The following MPRIP variants were observed in gnomAD, a reference collection of about 807,000 sequenced individuals.
The protein encoded by MPRIP is myosin phosphatase Rho-interacting protein.
MPRIP carries 59 observed loss-of-function variants against 234.9 expected under a neutral mutation model. That is an observed-to-expected ratio of 0.25 (90% CI 0.20 to 0.31). MPRIP has a LOEUF of 0.31. MPRIP is among the 10% of genes least tolerant of loss of function. MPRIP has a pLI of 1.00. For missense variants in MPRIP, 2,436 were observed against 3,071.0 expected, an observed-to-expected ratio of 0.79 and a Z score of 4.89; for synonymous variants, 1,144 against 1,263.9, an observed-to-expected ratio of 0.91 and a Z score of 2.01.
At chr17:17,050,169 A>T (rs2088489353) in intron 1 of MPRIP, among the ~76,000 whole-genome samples, 1 of 152,050 alleles carries the variant, frequency 6.6e-6, no homozygotes, top group Non-Finnish European at 1.5e-5. Context: ...CAAAAAATTA[A>T]TCGGGCGTGG....
chr17:17,145,599 CTG>C (rs1435202619), intron 9 of MPRIP, among the ~76,000 whole-genome samples: 1 of 152,266 alleles, frequency 6.6e-6, no homozygotes, highest in Non-Finnish European at 1.5e-5. Flanking sequence ...CCGCACGTCT[CTG>C]TTTCCCAGGC....
chr17:17,070,137 A>G lies in MPRIP; in HGVS notation c.124-5573A>G, dbSNP rs28709884. Among the ~76,000 whole-genome samples, 1,364 of 152,254 alleles carry G rather than the reference A, an allele frequency of 9.0e-3. 25 individuals carry two copies. Among genetic ancestry groups the G allele is most frequent in the African/African-American group, 0.03 (1,233 of 41,542 alleles). On this transcript the variant is annotated intron_variant, in intron 1 of 23. Coordinates refer to ENST00000651222, the MANE Select transcript of MPRIP (RefSeq NM_001364716.4). ...TATTGTCATTCTGCTTAGTTTTCTC[A>G]AAACTATAAGGTCTTATTTTTCTCT... is the stretch of plus-strand genomic sequence containing the variant.
At chr17:17,170,161 C>T (rs1381761880) in intron 16 of MPRIP, 2 of 149,820 alleles carry the variant, frequency 1.3e-5, no homozygotes, top group Non-Finnish European at 3.0e-5. Context: ...AAGGATGACA[C>T]ACAAATTCAT....
intron 3 of MPRIP, among the ~76,000 whole-genome samples, chr17:17,107,072 T>C (rs1324703878): frequency 2.0e-5 from 3 of 152,246 alleles, no homozygotes; most frequent in South Asian, 2.1e-4. Flanking sequence ...AGGAAAGTTT[T>C]ATCTACAACA....
chr17:17,118,246 C>T (rs1460124380), intron 3 of MPRIP, among the ~76,000 whole-genome samples: 1 of 152,258 alleles, frequency 6.6e-6, no homozygotes, highest in Non-Finnish European at 1.5e-5. Context: ...CCTGATCTAA[C>T]AAATCACAAG....
At chr17:17,176,285 G>C (rs1319523509) in intron 20 of MPRIP, 141 bp from the exon 21 acceptor site, 4 of 677,632 alleles carry the variant, frequency 5.9e-6, no homozygotes, top group African/African-American at 5.4e-5. Context: ...GTGTTTAAAC[G>C]ATGCTTGCCC....
intron 1 of MPRIP, among the ~76,000 whole-genome samples, chr17:17,067,164 C>G (rs2089056878): frequency 6.6e-6 from 1 of 152,164 alleles, no homozygotes; most frequent in Admixed American, 6.5e-5. Context: ...TTTTCTTTCT[C>G]AATTTCAGCG....
At chr17:17,148,350 A>T (rs1216212383) in intron 11 of MPRIP, among the ~76,000 whole-genome samples, 1 of 152,212 alleles carries the variant, frequency 6.6e-6, no homozygotes, top group East Asian at 1.9e-4. Flanking sequence ...ATAATTTGTA[A>T]TATTAAGATG....
intron 15 of MPRIP, among the ~76,000 whole-genome samples, chr17:17,163,255 C>T (rs1311951574): frequency 6.6e-6 from 1 of 152,132 alleles, no homozygotes; most frequent in South Asian, 2.1e-4. Flanking sequence ...GTGGCTTCCC[C>T]GGCCAGCAGA....
At chr17:17,120,106 A>T (rs1015487812) in intron 3 of MPRIP, among the ~76,000 whole-genome samples, 4 of 152,010 alleles carry the variant, frequency 2.6e-5, no homozygotes, top group Non-Finnish European at 5.9e-5. Context: ...GGATTGGGGG[A>T]TAAAGGGAAG....
chr17:17,072,231 G>C (rs1034143356), intron 1 of MPRIP, among the ~76,000 whole-genome samples: 2 of 152,162 alleles, frequency 1.3e-5, no homozygotes, highest in Non-Finnish European at 2.9e-5. Context: ...GCTCTTCCTG[G>C]GAGGCCTTTC....
intron 19 of MPRIP, among the ~76,000 whole-genome samples, chr17:17,174,368 G>A (rs1305429100): frequency 2.6e-5 from 4 of 152,184 alleles, no homozygotes; most frequent in East Asian, 3.8e-4. Context: ...TGAGACTCTC[G>A]GGTGTCTTGG....
Position 17,167,611 on chromosome 17 carries a change from G to A in MPRIP, c.6020G>A (p.Arg2007Gln), listed in dbSNP as rs76396872. The change falls in exon 16 of 24, where the codon CGG becomes CAG. Residue 2007 changes from arginine to glutamine, a missense_variant. Physicochemically the swap from Arg to Gln is conservative, Grantham distance 43. Around this residue, in one of 4 missense-constraint regions of MPRIP, gnomAD observed 1,998 missense variants for 2,520.3 expected, o/e 0.79. Transcript: ENST00000651222. The surrounding 1 kb of genome is among the most constrained non-coding windows in gnomAD (Gnocchi z 5.9). Reference protein sequence around the residue: ...TLEDRFQLKVRELQTIHEEEL... With the variant: ...TLEDRFQLKVQELQTIHEEEL... ...GAGGACAGGTTCCAGCTCAAGGTCC[G>A]GGAGCTGCAGACGATCCACGAGGAG... 2.8e-4 allele frequency: 362 copies of A among 1,304,244 alleles called. No homozygotes were observed. The African/African-American group carries it at 4.6e-3, about 17-fold the overall frequency. 80.8% of individuals were successfully genotyped at this position (1,304,244 alleles called of 1,614,324 possible).
intron 4 of MPRIP, among the ~76,000 whole-genome samples, chr17:17,128,487 C>G (rs1204066070): frequency 2.0e-5 from 3 of 152,200 alleles, no homozygotes; most frequent in Non-Finnish European, 4.4e-5. Flanking sequence ...CTTCTCTGCT[C>G]TCTTCTGTTG....
chr17:17,060,738 G>A (rs952804460), intron 1 of MPRIP, among the ~76,000 whole-genome samples: 1 of 152,176 alleles, frequency 6.6e-6, no homozygotes, highest in African/African-American at 2.4e-5. Context: ...CCGGGACAGG[G>A]CTCTGGGTCC....
intron 10 of MPRIP, among the ~76,000 whole-genome samples, chr17:17,146,677 G>A (rs2045472974): frequency 6.6e-6 from 1 of 152,208 alleles, no homozygotes; most frequent in African/African-American, 2.4e-5. Context: ...GCCTCCCAAG[G>A]AGGCATGAAG....
chr17:17,115,746 TCATG>T (rs2090273342), intron 3 of MPRIP, among the ~76,000 whole-genome samples: 1 of 152,042 alleles, frequency 6.6e-6, no homozygotes, highest in African/African-American at 2.4e-5. Flanking sequence ...GTAAATGGAG[TCATG>T]CAGCATCATC....
At chr17:17,176,989 G>A (rs1469157132) in intron 21 of MPRIP, among the ~76,000 whole-genome samples, 2 of 152,300 alleles carry the variant, frequency 1.3e-5, no homozygotes, top group Non-Finnish European at 1.5e-5. Context: ...CAGGCTGGTC[G>A]GGCAATCCCG....
intron 10 of MPRIP, among the ~76,000 whole-genome samples, chr17:17,146,682 A>G (rs1370543669): frequency 6.6e-6 from 1 of 152,222 alleles, no homozygotes; most frequent in African/African-American, 2.4e-5. Flanking sequence ...CCAAGGAGGC[A>G]TGAAGAAAAG....
Sources: allele counts gnomAD v4.1 joint callset (sites outside exome capture counted in the v4.1 genomes callset), GRCh38; gene constraint gnomAD v4.1.1; regional missense constraint gnomAD v4.1.1; non-coding constraint Gnocchi (gnomAD v3.1); transcripts MANE v1.5; gene names NCBI Gene and HGNC (gene_info 2026-07-23, HGNC 2026-07-21).